Variants in COP1 observed in about 807,000 individuals in gnomAD.
COP1 encodes COP1 E3 ubiquitin ligase.
COP1 carries 24 observed loss-of-function variants against 101.3 expected under a neutral mutation model. The observed-to-expected ratio is 0.24, with a 90% CI of 0.17 to 0.33. The LOEUF (loss-of-function observed/expected upper bound fraction) is 0.33. Ranked by LOEUF, COP1 falls within the 10% of genes least tolerant of loss-of-function variation. The probability of loss-of-function intolerance (pLI) is 1.00; values close to 1 mark genes in which losing one functional copy is unlikely to be tolerated. For synonymous variants in COP1, 347 were observed against 341.9 expected, an observed-to-expected ratio of 1.01 and a Z score of -0.17; for missense variants, 663 against 906.2, an observed-to-expected ratio of 0.73 and a Z score of 3.45.
intron 8 of COP1, among the ~76,000 whole-genome samples, chr1:176,128,430 C>T (rs1170844228): frequency 6.6e-6 from 1 of 151,862 alleles, no homozygotes; most frequent in Non-Finnish European, 1.5e-5. Context: ...CCTTAAGATT[C>T]TTCAATTATT....
At chr1:175,993,772 T>C (rs1257181179) in intron 15 of COP1, among the ~76,000 whole-genome samples, 1 of 152,200 alleles carries the variant, frequency 6.6e-6, no homozygotes, top group African/African-American at 2.4e-5. Flanking sequence ...GTCTGATTGG[T>C]GTACCTGAAA....
intron 2 of COP1, among the ~76,000 whole-genome samples, chr1:176,178,464 C>G (rs1697267797): frequency 1.3e-5 from 2 of 151,998 alleles, no homozygotes; most frequent in African/African-American, 4.8e-5. Flanking sequence ...ACACTCCAGC[C>G]TGAGGGACAC....
intron 11 of COP1, among the ~76,000 whole-genome samples, chr1:176,071,423 C>T (rs1474580338): frequency 6.6e-6 from 1 of 152,068 alleles, no homozygotes; most frequent in East Asian, 1.9e-4. Flanking sequence ...TATAGCAAGG[C>T]GAGAACAGCC....
chr1:175,960,508 G>C (rs1651206142), intron 18 of COP1, among the ~76,000 whole-genome samples: 1 of 152,128 alleles, frequency 6.6e-6, no homozygotes, highest in Non-Finnish European at 1.5e-5. Flanking sequence ...AATGAACAAA[G>C]GGGCAGGAAG....
At chr1:176,169,379 T>C (rs1471813902) in intron 3 of COP1, among the ~76,000 whole-genome samples, 1 of 152,158 alleles carries the variant, frequency 6.6e-6, no homozygotes, top group Non-Finnish European at 1.5e-5. Flanking sequence ...ATAGGAAACA[T>C]ATTTAAGACT....
intron 15 of COP1, among the ~76,000 whole-genome samples, chr1:175,993,836 G>T (rs1195117972): frequency 4.6e-5 from 7 of 152,286 alleles, no homozygotes; most frequent in South Asian, 4.1e-4. Context: ...TATTATCCAG[G>T]AGAACTTCCC....
intron 18 of COP1, among the ~76,000 whole-genome samples, chr1:175,970,989 G>A (rs1389931008): frequency 1.3e-5 from 2 of 152,176 alleles, no homozygotes; most frequent in Non-Finnish European, 2.9e-5. Flanking sequence ...TAAATCGAGA[G>A]AAGGGGAAGG....
chr1:176,050,395 A>G (rs887024339), intron 11 of COP1, among the ~76,000 whole-genome samples: 23 of 152,206 alleles, frequency 1.5e-4, no homozygotes, highest in African/African-American at 5.3e-4. Flanking sequence ...AGTGTTTCCA[A>G]TGTCTCTCAT....
At chr1:176,099,499 A>T (rs886205968) in intron 9 of COP1, among the ~76,000 whole-genome samples, 12 of 122,684 alleles carry the variant, frequency 9.8e-5, no homozygotes, top group African/African-American at 3.7e-4. Flanking sequence ...AATTTGGAGC[A>T]TATTTGTCTC....
At position 176,158,914 on chromosome 1, in the gene COP1, T is replaced by TA. The variant is rs573121885; in HGVS notation, c.762+3954dup. Among the ~76,000 whole-genome samples, 31 of 152,332 alleles carry TA rather than the reference T, an allele frequency of 2.0e-4. No individual in the cohort carries two copies. In the East Asian group the frequency reaches 5.8e-3, roughly 28 times the overall value. On this transcript the variant is annotated intron_variant, in intron 5 of 19. Transcript: ENST00000367669. ...CCTCGGCCTCCCAAAGTGCTAGGGT[T>TA]ACAGGCGTAAGCCACTGTGCCTGGC... is the stretch of plus-strand genomic sequence containing the variant.
intron 18 of COP1, among the ~76,000 whole-genome samples, chr1:175,974,607 A>T (rs1654050369): frequency 6.6e-6 from 1 of 152,250 alleles, no homozygotes; most frequent in African/African-American, 2.4e-5. Context: ...AAAACGTTTA[A>T]GATCGAATAG....
intron 18 of COP1, among the ~76,000 whole-genome samples, chr1:175,955,766 C>CTACACACACACACACA (rs1553275347): frequency 7.7e-6 from 1 of 129,192 alleles, no homozygotes; most frequent in African/African-American, 2.8e-5. Flanking sequence ...TAGAGACAAA[C>CTACACACACACACACA]CACACACACA....
At chr1:176,173,324 G>GAA (rs11396126) in intron 3 of COP1, among the ~76,000 whole-genome samples, 8,058 of 93,540 alleles carry the variant, frequency 0.086, 602 homozygotes, top group African/African-American at 0.2. Context: ...AAAACAAAAT[G>GAA]AAAAAAAAAA....
At chr1:175,989,107 T>G in intron 16 of COP1, 6 of 289,794 alleles carry the variant, frequency 2.1e-5, no homozygotes, top group Middle Eastern at 1.0e-3. Flanking sequence ...CATAGGAGGA[T>G]GAGATAAGGG....
Position 176,050,284 on chromosome 1 carries a change from AG to A in COP1, c.1278-3961del, listed in dbSNP as rs1378386305. Among the ~76,000 whole-genome samples, 6 of 152,256 alleles carry A rather than the reference AG, an allele frequency of 3.9e-5. No individual in the cohort carries two copies. The East Asian group carries it at 1.2e-3, about 29-fold the overall frequency. ...TCATTAGTCAAGTGATTAAGCAGCA[AG>A]GCAAGAAACTGCACAGGACAGCTGA... On this transcript the variant is annotated intron_variant, in intron 11 of 19. Coordinates refer to ENST00000367669, the MANE Select transcript of COP1 (RefSeq NM_022457.7).
intron 18 of COP1, chr1:175,982,475 A>G (rs907570311): frequency 5.5e-5 from 24 of 438,806 alleles, no homozygotes; most frequent in Non-Finnish European, 1.0e-4. Context: ...GAAGACCTTT[A>G]TGATTCACTT....
chr1:175,992,994 C>G (rs1054794001), intron 15 of COP1, among the ~76,000 whole-genome samples: 1 of 152,194 alleles, frequency 6.6e-6, no homozygotes, highest in African/African-American at 2.4e-5. Flanking sequence ...AGGCACCACC[C>G]AGTAGGGGCA....
intron 8 of COP1, among the ~76,000 whole-genome samples, chr1:176,122,758 G>A (rs904855950): frequency 1.3e-5 from 2 of 152,074 alleles, no homozygotes; most frequent in Non-Finnish European, 2.9e-5. Flanking sequence ...AACTGAAAAA[G>A]GAAAGCAAAA....
chr1:176,024,331 T>G (rs938682642), intron 15 of COP1, among the ~76,000 whole-genome samples: 2 of 152,154 alleles, frequency 1.3e-5, no homozygotes, highest in African/African-American at 4.8e-5. Context: ...AAAAGCTGGT[T>G]TAATATTATA....
Sources: allele counts gnomAD v4.1 joint callset (sites outside exome capture counted in the v4.1 genomes callset), GRCh38; gene constraint gnomAD v4.1.1; transcripts MANE v1.5; gene names NCBI Gene and HGNC (gene_info 2026-07-23, HGNC 2026-07-21).